Variants in AQR observed in about 807,000 individuals in gnomAD.
AQR encodes the protein aquarius intron-binding spliceosomal factor.
In AQR, 61 loss-of-function variants were observed where a neutral mutation model predicts 180.5. That is an observed-to-expected ratio of 0.34 (90% CI 0.28 to 0.42). AQR has a LOEUF of 0.42. Ranked by LOEUF, AQR falls within the 10% of genes least tolerant of loss-of-function variation. AQR has a pLI of 1.00. For missense variants in AQR, 1,281 were observed against 1,798.3 expected, an observed-to-expected ratio of 0.71 and a Z score of 5.20; for synonymous variants, 551 against 588.8, an observed-to-expected ratio of 0.94 and a Z score of 0.93.
intron 13 of AQR, among the ~76,000 whole-genome samples, chr15:34,926,617 A>G (rs946809934): frequency 6.6e-6 from 1 of 152,260 alleles, no homozygotes; most frequent in South Asian, 2.1e-4. Context: ...ACTATTTTCA[A>G]AAGGATATAT....
chr15:34,895,933 A>G (rs575693612), intron 22 of AQR, among the ~76,000 whole-genome samples: 2 of 152,356 alleles, frequency 1.3e-5, no homozygotes, highest in Non-Finnish European at 2.9e-5. Flanking sequence ...AATAGTCACC[A>G]AGAGAGATCA....
At chr15:34,940,267 C>T (rs542725616) in intron 8 of AQR, among the ~76,000 whole-genome samples, 4 of 152,310 alleles carry the variant, frequency 2.6e-5, no homozygotes, top group South Asian at 2.1e-4. Flanking sequence ...CAGTGGCTCA[C>T]GCCTGTAATC....
chr15:34,906,783 A>G, intron 17 of AQR, 71 bp from the exon 18 acceptor site: 1 of 1,471,064 alleles, frequency 6.8e-7, no homozygotes, highest in Non-Finnish European at 9.2e-7. Context: ...GCAAATTCTT[A>G]TTTGCCTCTC....
rs549372220 is a variant in AQR at position 34,857,608 on chromosome 15, G to A, written c.4144-502C>T. On this transcript the variant is annotated intron_variant, in intron 34 of 34. Coordinates refer to ENST00000156471, the MANE Select transcript of AQR (RefSeq NM_014691.3). ...CTACTAAAAAACACAAAAATTAGCTGAGCGTGGTGGCAGGAGCCTGTAATC... is the reference window on the plus strand; with the variant it reads ...CTACTAAAAAACACAAAAATTAGCTAAGCGTGGTGGCAGGAGCCTGTAATC... 1.1e-4 allele frequency among the ~76,000 whole-genome samples: 17 copies of A among 152,252 alleles called. No individual in the cohort carries two copies. The South Asian group carries it at 2.3e-3, about 20-fold the overall frequency.
At chr15:34,958,603 A>G (rs1269938273) in intron 3 of AQR, among the ~76,000 whole-genome samples, 1 of 152,218 alleles carries the variant, frequency 6.6e-6, no homozygotes, top group Non-Finnish European at 1.5e-5. Flanking sequence ...AATCATTAGC[A>G]GCTTTTGGTT....
rs116520923 is a variant in AQR, at chr15:34,934,718, T to C, written c.719-83A>G. 62 of 801,808 alleles carry C rather than the reference T, an allele frequency of 7.7e-5. No individual in the cohort carries two copies. The African/African-American group carries it at 1.1e-3, about 14-fold the overall frequency. The allele number at this position is 801,808 out of a possible 1,614,324, so 49.7% of individuals were successfully genotyped here. On this transcript the variant is annotated intron_variant, in intron 9 of 34. Transcript: ENST00000156471. ...TTTCTGAAAACTGGCAGTTATTTAA[T>C]AACTTAAATAAAGTCAATTGTCTTT...
At chr15:34,881,552 A>C (rs1892973833) in intron 27 of AQR, among the ~76,000 whole-genome samples, 1 of 152,252 alleles carries the variant, frequency 6.6e-6, no homozygotes, top group Non-Finnish European at 1.5e-5. Context: ...AAAATTTGCA[A>C]ATTCAAATTT....
At chr15:34,936,994 A>G (rs1371805180) in intron 9 of AQR, among the ~76,000 whole-genome samples, 1 of 152,174 alleles carries the variant, frequency 6.6e-6, no homozygotes, top group Non-Finnish European at 1.5e-5. Context: ...AAAGATTTAG[A>G]TATACTAACA....
At chr15:34,953,430 T>A (rs886341795) in intron 3 of AQR, among the ~76,000 whole-genome samples, 5 of 152,210 alleles carry the variant, frequency 3.3e-5, no homozygotes, top group Non-Finnish European at 2.9e-5. Context: ...ATCAGAACAC[T>A]GTCACTAGAT....
At chr15:34,928,139 A>T (rs2140490443) in intron 12 of AQR, among the ~76,000 whole-genome samples, 1 of 152,336 alleles carries the variant, frequency 6.6e-6, no homozygotes, top group South Asian at 2.1e-4. Context: ...CTTCCAAAAC[A>T]ATAAGGCTAT....
chr15:34,888,968 T>G (rs949006886), intron 24 of AQR, among the ~76,000 whole-genome samples: 1 of 152,222 alleles, frequency 6.6e-6, no homozygotes, highest in Non-Finnish European at 1.5e-5. Flanking sequence ...AATTTAAAAG[T>G]ACATTTTTTC....
intron 10 of AQR, 24 bp downstream of exon 10, chr15:34,934,545 CAA>C (rs754632582): frequency 1.4e-5 from 21 of 1,552,888 alleles, no homozygotes; most frequent in Non-Finnish European, 1.7e-5. Flanking sequence ...GATTATATAA[CAA>C]AAAAGTCACG....
chr15:34,871,418 G>GA (rs1361299101), intron 30 of AQR, among the ~76,000 whole-genome samples: 1 of 150,606 alleles, frequency 6.6e-6, no homozygotes, highest in Non-Finnish European at 1.5e-5. Context: ...GAGGTGGGGG[G>GA]ATCGCTTAAG....
In AQR at chr15:34,942,143, A is replaced by G. The variant is rs1239900937; in HGVS notation, c.472-63T>C. ...CCAGCATTTCTACCTAAGTCTTTAC[A>G]TAAGAAGTATACTGCCTTTTTAAGT... On this transcript the variant is annotated intron_variant, in intron 6 of 34. Coordinates refer to ENST00000156471, the MANE Select transcript of AQR (RefSeq NM_014691.3). 4 of 1,271,208 alleles carry G rather than the reference A, an allele frequency of 3.1e-6. No homozygotes were observed. The African/African-American group carries it at 4.4e-5, about 14-fold the overall frequency. The allele number at this position is 1,271,208 out of a possible 1,614,324, so 78.7% of individuals were successfully genotyped here.
At chr15:34,868,490 T>C (rs1892771287) in intron 31 of AQR, 1 of 151,926 alleles carries the variant, frequency 6.6e-6, no homozygotes, top group South Asian at 2.1e-4. Context: ...TTATAGTCTC[T>C]CTATCTTTAG....
chr15:34,956,483 T>C (rs1457188807), intron 3 of AQR, among the ~76,000 whole-genome samples: 1 of 151,908 alleles, frequency 6.6e-6, no homozygotes, highest in Non-Finnish European at 1.5e-5. Context: ...AAACACTTTC[T>C]CTACTAAAAC....
intron 27 of AQR, 68 bp from the exon 28 acceptor site, chr15:34,876,074 C>A (rs2140463900): frequency 1.7e-6 from 2 of 1,184,802 alleles, no homozygotes. Flanking sequence ...TAAACATAAT[C>A]ATCAAAAAAA....
intron 14 of AQR, among the ~76,000 whole-genome samples, chr15:34,919,290 G>A (rs557612198): frequency 4.8e-4 from 72 of 150,642 alleles, no homozygotes; most frequent in South Asian, 6.3e-4. Context: ...ATCTAATAAT[G>A]CTAAAATGAC....
At chr15:34,934,469 TGAAAA>T (rs1595802451) in intron 10 of AQR, 97 bp downstream of exon 10, 11 of 604,794 alleles carry the variant, frequency 1.8e-5, no homozygotes, top group Non-Finnish European at 2.9e-5. Flanking sequence ...ACATATGTAT[TGAAAA>T]GAAAAGGAAA....
Sources: gnomAD v4.1 joint callset for allele counts (sites outside exome capture counted in the v4.1 genomes callset) on GRCh38, gnomAD v4.1.1 for gene constraint, MANE v1.5 for transcripts, NCBI Gene and HGNC (gene_info 2026-07-23, HGNC 2026-07-21) for gene names.